BBS1: variants seen among roughly 807,000 people sequenced by gnomAD.
BBS1 encodes the protein BBSome complex member BBS1.
In BBS1, 60 loss-of-function variants were observed where a neutral mutation model predicts 73.9. The observed-to-expected ratio is 0.81, with a 90% CI of 0.66 to 1.01. The LOEUF is 1.01. BBS1 is among the 50% of genes least tolerant of loss of function. The pLI is 0.00. For missense variants in BBS1, 718 were observed against 770.3 expected, an observed-to-expected ratio of 0.93 and a Z score of 0.80; for synonymous variants, 283 against 317.4, an observed-to-expected ratio of 0.89 and a Z score of 1.15.
chr11:66,513,057 C>T (rs1855984292), intron 3 of BBS1, among the ~76,000 whole-genome samples: 1 of 151,682 alleles, frequency 6.6e-6, no homozygotes, highest in Non-Finnish European at 1.5e-5. Context: ...GCATCTAGTC[C>T]AGTACCTGAC....
chr11:66,516,757 A>G (rs369924328), intron 7 of BBS1, among the ~76,000 whole-genome samples: 13 of 152,028 alleles, frequency 8.6e-5, no homozygotes, highest in South Asian at 2.1e-4. Flanking sequence ...GAGTCTCACT[A>G]TGTTGCCCAG....
chr11:66,518,729 G>C (rs1370880453), intron 7 of BBS1, among the ~76,000 whole-genome samples: 2 of 151,384 alleles, frequency 1.3e-5, no homozygotes, highest in African/African-American at 4.9e-5. Flanking sequence ...TGGGCTTACA[G>C]GTGTGAGCCA....
At chr11:66,530,023 C>T in intron 14 of BBS1, 71 bp downstream of exon 14, 1 of 1,542,376 alleles carries the variant, frequency 6.5e-7, no homozygotes, top group South Asian at 1.2e-5. Context: ...ACCCCTCTGC[C>T]ACACAGCTAA....
At position 66,531,654 on chromosome 11, in the gene BBS1, A is replaced by T. The variant is rs1555050394; in HGVS notation, c.1609-2A>T. 1 of 1,614,098 alleles carries T rather than the reference A, an allele frequency of 6.2e-7. No individual in the cohort carries two copies. Among genetic ancestry groups the T allele is most frequent in the South Asian group, 1.1e-5 (1 of 91,076 alleles). On this transcript the variant is annotated splice_acceptor_variant, in intron 15 of 16. Transcript: ENST00000318312. LOFTEE classifies it high-confidence loss of function. ...TCCTTACTTCTTTGTCCCCAAACTT[A>T]GGTACCCTTGCTGGTGCCAGGGCTC... is the stretch of plus-strand genomic sequence containing the variant.
At position 66,510,726 on chromosome 11, in the gene BBS1, A is replaced by G. The variant is rs1250037505; in HGVS notation, c.47+20A>G. 6.2e-7 allele frequency: 1 copy of G among 1,613,834 alleles called. No homozygotes were observed. The highest frequency in any genetic ancestry group is 8.5e-7 in the Non-Finnish European group (1 of 1,179,918). On this transcript the variant is annotated intron_variant, in intron 1 of 16. Transcript: ENST00000318312. ...TGAGAGGTGAAGGCAGGGCTCCTCA[A>G]GGCCTCTTTTCCCACCCGTGTAAAG...
chr11:66,524,765 C>A (rs538541958), intron 11 of BBS1, among the ~76,000 whole-genome samples: 1 of 152,224 alleles, frequency 6.6e-6, no homozygotes, highest in East Asian at 1.9e-4. Context: ...ATAGTAAATT[C>A]AAAGTATGTC....
intron 14 of BBS1, among the ~76,000 whole-genome samples, chr11:66,530,342 G>A (rs1309371844): frequency 6.6e-6 from 1 of 152,174 alleles, no homozygotes; most frequent in Non-Finnish European, 1.5e-5. Flanking sequence ...GTACAGGGAA[G>A]GGGCCATCCC....
At chr11:66,515,456 A>G (rs1408773838) in intron 4 of BBS1, 84 bp from the exon 5 acceptor site, 3 of 1,453,060 alleles carry the variant, frequency 2.1e-6, no homozygotes, top group Non-Finnish European at 2.9e-6. Flanking sequence ...AGGTACCCCT[A>G]GAAGTGTGGA....
chr11:66,532,026 G>C lies in BBS1; in HGVS notation c.1771G>C (p.Ala591Pro). The change falls in exon 17 of 17, where the codon GCG becomes CCG. Residue 591 changes from alanine to proline, a missense_variant. Transcript: ENST00000318312. ...CAACATGCCTGGGAGCGAGGGGCTGGCGGCCGCCTGAGACCTGAGCTGCTG... is the reference window on the plus strand; with the variant it reads ...CAACATGCCTGGGAGCGAGGGGCTGCCGGCCGCCTGAGACCTGAGCTGCTG... ...HVNMPGSEGLAAA is the reference protein window; with the variant it reads ...HVNMPGSEGLPAA 6.2e-7 allele frequency: 1 copy of C among 1,605,080 alleles called. No homozygotes were observed. The highest frequency in any genetic ancestry group is 8.5e-7 in the Non-Finnish European group (1 of 1,176,686).
intron 4 of BBS1, among the ~76,000 whole-genome samples, chr11:66,515,332 G>C (rs1021987211): frequency 3.3e-5 from 5 of 152,096 alleles, no homozygotes; most frequent in Non-Finnish European, 7.4e-5. Flanking sequence ...GGGAATTTGG[G>C]GAGGCATGGA....
chr11:66,515,932 AG>A lies in BBS1; in HGVS notation c.591+1del. On this transcript the variant is annotated frameshift_variant and splice_region_variant, in exon 7 of 17. Transcript: ENST00000318312. LOFTEE classifies it high-confidence loss of function. ...NQHKSNSIKR[Q>X]TVITTMTTLK... ...CACAAGTCCAACTCCATCAAGCGGC[AG>A]GTAATACCCCCTTCTCTTTTTATTT... is the stretch of plus-strand genomic sequence containing the variant. 6.2e-7 allele frequency: 1 copy of A among 1,614,160 alleles called. No individual in the cohort carries two copies. The highest frequency in any genetic ancestry group is 1.1e-5 in the South Asian group (1 of 91,080).
At position 66,532,154 on chromosome 11, in the gene BBS1, C is replaced by T. The variant is rs1299277780; in HGVS notation, c.*117C>T. On this transcript the variant is annotated 3_prime_UTR_variant, in exon 17 of 17. Transcript: ENST00000318312. ...GCTGGGGCGACAGCTCGTCTCCCCTCTCTTAAGCACCCGCTTCCTCACCAC... is the reference window on the plus strand; with the variant it reads ...GCTGGGGCGACAGCTCGTCTCCCCTTTCTTAAGCACCCGCTTCCTCACCAC... The T allele has an allele frequency of 9.0e-7, 1 of 1,104,992 alleles. No individual in the cohort carries two copies. The highest frequency in any genetic ancestry group is 1.6e-5 in the African/African-American group (1 of 63,734). The allele number at this position is 1,104,992 out of a possible 1,614,324, so 68.4% of individuals were successfully genotyped here. A position where few individuals can be genotyped will look rare whatever the true frequency, so the allele number is the denominator to read the frequency against.
At chr11:66,531,521 C>T in intron 15 of BBS1, 135 bp from the exon 16 acceptor site, 1 of 1,152,322 alleles carries the variant, frequency 8.7e-7, no homozygotes, top group East Asian at 2.3e-5. Flanking sequence ...CCTGCATCCT[C>T]CTCCACCCAG....
chr11:66,529,979 A>G, intron 14 of BBS1, 27 bp downstream of exon 14: 17 of 1,587,556 alleles, frequency 1.1e-5, no homozygotes, highest in Non-Finnish European at 1.4e-5. Context: ...GGGCAGAGTC[A>G]GGGCCAGAGG....
intron 3 of BBS1, among the ~76,000 whole-genome samples, chr11:66,512,766 G>A (rs954714705): frequency 2.6e-5 from 4 of 152,090 alleles, no homozygotes; most frequent in African/African-American, 9.7e-5. Flanking sequence ...GAGGTCAGGA[G>A]TTTGAGACCA....
At chr11:66,520,006 C>G in intron 8 of BBS1, 2 of 386,274 alleles carry the variant, frequency 5.2e-6, no homozygotes, top group Non-Finnish European at 9.7e-6. Flanking sequence ...TTTATAAAAA[C>G]AGGATTAGCT....
chr11:66,511,183 T>C, intron 2 of BBS1, 22 bp from the exon 3 acceptor site: 1 of 1,613,988 alleles, frequency 6.2e-7, no homozygotes, highest in South Asian at 1.1e-5. Flanking sequence ...GAGACTCTGG[T>C]TTTGGCCCTT....
chr11:66,526,774 G>A lies in BBS1; in HGVS notation c.1306G>A (p.Asp436Asn). ...NVPRKTRLYVDQTLREREAGT... is the reference protein window; with the variant it reads ...NVPRKTRLYVNQTLREREAGT... ...GCCCCGAAAGACCCGGCTTTACGTG[G>A]ATCAGACACTGCGAGAGCGGGAGGC... Residue 436 changes from aspartate (D) to asparagine (N), a missense_variant, in exon 13 of 17, where the codon GAT becomes AAT. Coordinates refer to ENST00000318312, the MANE Select transcript of BBS1 (RefSeq NM_024649.5). 6.2e-7 allele frequency: 1 copy of A among 1,614,236 alleles called. No individual in the cohort carries two copies. The highest frequency in any genetic ancestry group is 8.5e-7 in the Non-Finnish European group (1 of 1,180,044).
chr11:66,515,105 A>G (rs1333167313), intron 4 of BBS1, among the ~76,000 whole-genome samples: 2 of 152,062 alleles, frequency 1.3e-5, no homozygotes, highest in Non-Finnish European at 2.9e-5. Context: ...GGCATGAACC[A>G]CCGTGCCCAG....
Sources: allele counts gnomAD v4.1 joint callset (sites outside exome capture counted in the v4.1 genomes callset), GRCh38; gene constraint gnomAD v4.1.1; transcripts MANE v1.5; gene names NCBI Gene and HGNC (gene_info 2026-07-23, HGNC 2026-07-21).